The following COLGALT2 variants were observed in gnomAD, a reference collection of about 807,000 sequenced individuals.
COLGALT2 encodes the protein procollagen galactosyltransferase 2.
COLGALT2 carries 49 observed loss-of-function variants against 73.4 expected under a neutral mutation model. The ratio of observed to expected loss-of-function variants is 0.67; its 90% confidence interval spans 0.53 to 0.85. The LOEUF is 0.85. Ranked by LOEUF, COLGALT2 falls within the 40% of genes least tolerant of loss-of-function variation. COLGALT2 has a pLI of 0.00. For missense variants in COLGALT2, 722 were observed against 790.2 expected (o/e 0.91, Z 1.03); for synonymous variants, 295 against 307.6 (o/e 0.96, Z 0.43).
At chr1:184,011,142 C>T (rs1672223504) in intron 1 of COLGALT2, among the ~76,000 whole-genome samples, 1 of 152,186 alleles carries the variant, frequency 6.6e-6, no homozygotes, top group Non-Finnish European at 1.5e-5. Flanking sequence ...AATTCAAAGC[C>T]TTGTCAGAAT....
chr1:184,021,579 T>C (rs1006335230), intron 1 of COLGALT2, among the ~76,000 whole-genome samples: 7 of 152,146 alleles, frequency 4.6e-5, no homozygotes, highest in Non-Finnish European at 8.8e-5. Flanking sequence ...AGCCCCTCAA[T>C]TTTGGACTCC....
intron 1 of COLGALT2, among the ~76,000 whole-genome samples, chr1:184,002,605 CT>C: frequency 6.6e-6 from 1 of 152,150 alleles, no homozygotes. Flanking sequence ...ACCAAATAAC[CT>C]TATTGGGACC....
intron 4 of COLGALT2, among the ~76,000 whole-genome samples, chr1:183,972,102 A>T (rs1239386874): frequency 6.6e-6 from 1 of 152,204 alleles, no homozygotes; most frequent in Non-Finnish European, 1.5e-5. Flanking sequence ...CCATGAGAAT[A>T]CATTGAACAT....
intron 8 of COLGALT2, 27 bp downstream of exon 8, chr1:183,950,980 T>G: frequency 6.6e-7 from 1 of 1,523,274 alleles, no homozygotes; most frequent in African/African-American, 1.4e-5. Flanking sequence ...CAATCACATC[T>G]GCAATGGGAG....
At chr1:183,948,151 A>G (rs1457637675) in intron 8 of COLGALT2, among the ~76,000 whole-genome samples, 3 of 152,138 alleles carry the variant, frequency 2.0e-5, no homozygotes, top group Non-Finnish European at 4.4e-5. Context: ...GGTTTCTGCC[A>G]AATGTTTAAA....
chr1:183,962,813 C>G (rs1461271034), intron 6 of COLGALT2, among the ~76,000 whole-genome samples: 1 of 152,214 alleles, frequency 6.6e-6, no homozygotes, highest in Non-Finnish European at 1.5e-5. Flanking sequence ...AGTGACCTTT[C>G]TAAATCCAAA....
At chr1:183,969,587 A>G in intron 4 of COLGALT2, 114 bp from the exon 5 acceptor site, 2 of 843,748 alleles carry the variant, frequency 2.4e-6, no homozygotes, top group South Asian at 4.4e-5. Context: ...CAAGCTCCCA[A>G]ACAAAGCCAC....
At chr1:183,973,180 A>T (rs74130437) in intron 4 of COLGALT2, among the ~76,000 whole-genome samples, 2,397 of 152,280 alleles carry the variant, frequency 0.016, 54 homozygotes, top group African/African-American at 0.055. Flanking sequence ...CTTGATGATA[A>T]CACAGTTACT....
At chr1:183,985,057 T>C (rs1035874329) in intron 1 of COLGALT2, among the ~76,000 whole-genome samples, 2 of 152,236 alleles carry the variant, frequency 1.3e-5, no homozygotes, top group Admixed American at 1.3e-4. Context: ...CATTTCTCCT[T>C]GTTCCAGAAG....
At chr1:184,004,304 G>T (rs1672010202) in intron 1 of COLGALT2, among the ~76,000 whole-genome samples, 1 of 152,050 alleles carries the variant, frequency 6.6e-6, no homozygotes, top group Non-Finnish European at 1.5e-5. Context: ...CTGAAGTCTG[G>T]TAATAATAGG....
At chr1:183,930,370 A>G in intron 11 of COLGALT2, 1 of 445,982 alleles carries the variant, frequency 2.2e-6, no homozygotes, top group South Asian at 1.6e-5. Flanking sequence ...AATTTTGTCT[A>G]GAACTAGCCT....
At chr1:183,996,207 C>T (rs972766962) in intron 1 of COLGALT2, among the ~76,000 whole-genome samples, 9 of 152,234 alleles carry the variant, frequency 5.9e-5, no homozygotes, top group Non-Finnish European at 8.8e-5. Flanking sequence ...GCACAGGCTT[C>T]TCCCACCCCT....
chr1:184,021,559 G>A lies in COLGALT2; in HGVS notation c.263+15536C>T, dbSNP rs80299766. Among the ~76,000 whole-genome samples the A allele has an allele frequency of 6.9e-3, 1,047 of 152,206 alleles. 12 individuals are homozygous for A. Among genetic ancestry groups the A allele is most frequent in the African/African-American group, 0.024 (994 of 41,530 alleles). On this transcript the variant is annotated intron_variant, in intron 1 of 11. Transcript: ENST00000361927. ...AGAATGATGTAGCAAAAAGGCCGTC[G>A]CCAGATGCCAGCCCCTCAATTTTGG...
chr1:184,025,998 A>G (rs12088801), intron 1 of COLGALT2, among the ~76,000 whole-genome samples: 52 of 152,330 alleles, frequency 3.4e-4, no homozygotes, highest in East Asian at 1.9e-3. Context: ...AAAATACGTC[A>G]ATTGCCCTGG....
chr1:184,033,800 G>A (rs1269985341), intron 1 of COLGALT2, among the ~76,000 whole-genome samples: 1 of 152,218 alleles, frequency 6.6e-6, no homozygotes, highest in African/African-American at 2.4e-5. Flanking sequence ...GAAATCAGAT[G>A]CTCCTCTAGC....
chr1:184,004,689 C>T (rs1486754818), intron 1 of COLGALT2, among the ~76,000 whole-genome samples: 1 of 152,090 alleles, frequency 6.6e-6, no homozygotes, highest in African/African-American at 2.4e-5. Context: ...CCATAGAGAA[C>T]ATTAATGTTC....
chr1:183,999,977 T>A (rs1001374027), intron 1 of COLGALT2, among the ~76,000 whole-genome samples: 1 of 152,136 alleles, frequency 6.6e-6, no homozygotes, highest in South Asian at 2.1e-4. Flanking sequence ...TTATTCTGTT[T>A]TTTTACCCGC....
intron 5 of COLGALT2, among the ~76,000 whole-genome samples, chr1:183,968,241 C>T (rs889971776): frequency 2.0e-5 from 3 of 152,118 alleles, no homozygotes; most frequent in Non-Finnish European, 4.4e-5. Context: ...ATAATGGGAC[C>T]CAACTTCTGT....
rs1670971889 is a variant in COLGALT2, at chr1:183,969,355, T to C, written c.746A>G (p.Asp249Gly). The C allele has an allele frequency of 5.0e-6, 8 of 1,613,928 alleles. No individual in the cohort carries two copies. The highest frequency in any genetic ancestry group is 6.8e-6 in the Non-Finnish European group (8 of 1,179,906). The change falls in exon 5 of 12, where the codon GAC (aspartate) becomes GGC (glycine). Residue 249 changes from aspartate to glycine, a missense_variant. By Grantham distance (94) the Asp-to-Gly change is moderately conservative. Coordinates refer to ENST00000361927, the MANE Select transcript of COLGALT2 (RefSeq NM_015101.4). ...GTGTGGGGGGTAGAAAGTCAGCTTG[T>C]CCGAGGCCTCCTTCCTGAGGTCAAT... ...FLIDLRKEAS[D>G]KLTFYPPHQD...
Sources: gnomAD v4.1 joint callset for allele counts (sites outside exome capture counted in the v4.1 genomes callset) on GRCh38, gnomAD v4.1.1 for gene constraint, MANE v1.5 for transcripts, NCBI Gene and HGNC (gene_info 2026-07-23, HGNC 2026-07-21) for gene names.